Variants in SVOP observed in about 807,000 individuals in gnomAD.
SVOP encodes synaptic vesicle 2-related protein.
Under a neutral mutation model 69.1 loss-of-function variants are expected in SVOP, and 17 were observed. The observed-to-expected ratio is 0.25, with a 90% confidence interval of 0.17 to 0.37. SVOP has a LOEUF of 0.37. SVOP is among the 10% of genes least tolerant of loss of function. SVOP has a pLI of 1.00. For missense variants in SVOP, 435 were observed against 597.5 expected (o/e 0.73, Z 2.84); for synonymous variants, 238 against 238.6 (o/e 1.00, Z 0.02).
chr12:108,912,770 AG>A, intron 15 of SVOP, 29 bp from the exon 16 acceptor site: 2 of 1,604,100 alleles, frequency 1.2e-6, no homozygotes, highest in Non-Finnish European at 1.7e-6. Context: ...GGTCGGTGAA[AG>A]CATCCCTTCT....
At chr12:108,916,236 C>A (rs2039712974) in intron 14 of SVOP, among the ~76,000 whole-genome samples, 1 of 152,196 alleles carries the variant, frequency 6.6e-6, no homozygotes, top group South Asian at 2.1e-4. Flanking sequence ...CAAGGGACTT[C>A]ATAAAGAGAG....
intron 6 of SVOP, among the ~76,000 whole-genome samples, chr12:108,953,999 C>T (rs955685549): frequency 1.3e-5 from 2 of 150,880 alleles, no homozygotes; most frequent in Non-Finnish European, 1.5e-5. Context: ...ATAATCCCAG[C>T]TACTCGGGAA....
At position 108,972,480 on chromosome 12, in the gene SVOP, T is replaced by TG. The variant is rs2040085132; in HGVS notation, c.382-5dup. 2.0e-6 allele frequency: 3 copies of TG among 1,537,116 alleles called. No homozygotes were observed. The highest frequency in any genetic ancestry group is 2.6e-6 in the Non-Finnish European group (3 of 1,146,864). On this transcript the variant is annotated splice_polypyrimidine_tract_variant and splice_region_variant and intron_variant, in intron 4 of 15. Coordinates refer to ENST00000610966, the MANE Select transcript of SVOP (RefSeq NM_018711.5). ...ACATCATGCCTACAAAGACCACCTG[T>TG]GGGGGGAAAGACAGTTGTCATTAGA...
At chr12:108,912,834 C>A in intron 15 of SVOP, 93 bp from the exon 16 acceptor site, 2 of 1,263,314 alleles carry the variant, frequency 1.6e-6, no homozygotes, top group South Asian at 2.8e-5. Flanking sequence ...CAGGCCCTCT[C>A]GTGATATCTG....
rs1339586911 is a variant in SVOP at position 108,908,510 on chromosome 12, C to T, written c.*4025G>A. 6.6e-6 allele frequency: 1 copy of T among 152,174 alleles called. No individual in the cohort carries two copies. 9.4% of individuals were successfully genotyped at this position (152,174 alleles called of 1,614,324 possible). A position where few individuals can be genotyped will look rare whatever the true frequency, so the allele number is the denominator to read the frequency against. On this transcript the variant is annotated 3_prime_UTR_variant, in exon 16 of 16. Transcript: ENST00000610966. ...TCACACTGGACCCATGGTGGAACAACATCAGCTGGAAGGGAGTTGCAGCCC... is the reference window on the plus strand; with the variant it reads ...TCACACTGGACCCATGGTGGAACAATATCAGCTGGAAGGGAGTTGCAGCCC...
chr12:108,988,680 T>G (rs1051659323), intron 1 of SVOP, among the ~76,000 whole-genome samples: 1 of 152,170 alleles, frequency 6.6e-6, no homozygotes, highest in African/African-American at 2.4e-5. Flanking sequence ...TTTTCAAGAT[T>G]GTTTTAGTTA....
intron 2 of SVOP, among the ~76,000 whole-genome samples, chr12:108,982,833 T>TCATCAC (rs2040146944): frequency 3.2e-5 from 2 of 62,014 alleles, no homozygotes; most frequent in African/African-American, 8.3e-5. Flanking sequence ...ATCATCACTG[T>TCATCAC]CACCATCATC....
rs751699856 is a variant in SVOP at position 108,912,588 on chromosome 12, G to T, written c.1594C>A (p.Arg532=). The change falls in exon 16 of 16, where the codon CGA becomes AGA. Residue 532 remains arginine, a synonymous_variant. Coordinates refer to ENST00000610966, the MANE Select transcript of SVOP (RefSeq NM_018711.5). The stretch of plus-strand genomic sequence containing the variant: ...GTAACACCTGCACCGTGCATTCCTC[G>T]GCCGACCATCTCCTGGCCCCACTCC... ...HREWGQEMVG[R]GMHGAGVTRS... The T allele has an allele frequency of 3.1e-6, 5 of 1,613,664 alleles. No individual in the cohort carries two copies. The Admixed American group carries it at 6.7e-5, about 22-fold the overall frequency.
chr12:108,973,935 C>A (rs2040093106), intron 4 of SVOP, among the ~76,000 whole-genome samples: 1 of 152,190 alleles, frequency 6.6e-6, no homozygotes, highest in Admixed American at 6.5e-5. Context: ...ATCTGGTTTC[C>A]AATACCTTTA....
chr12:108,978,759 T>C (rs2040120192), intron 2 of SVOP, 96 bp from the exon 3 acceptor site: 1 of 651,380 alleles, frequency 1.5e-6, no homozygotes, highest in Non-Finnish European at 2.8e-6. Context: ...CCAAGCTAAT[T>C]AAACACAGCA....
chr12:108,977,549 A>C, intron 3 of SVOP, 53 bp from the exon 4 acceptor site: 1 of 1,239,124 alleles, frequency 8.1e-7, no homozygotes, highest in Middle Eastern at 1.9e-4. Context: ...GGTGCTGGGG[A>C]AGGCTGGCCA....
intron 11 of SVOP, among the ~76,000 whole-genome samples, chr12:108,930,814 C>T (rs1367226361): frequency 2.6e-5 from 4 of 152,278 alleles, no homozygotes; most frequent in Non-Finnish European, 2.9e-5. Flanking sequence ...AGTTAGGTTA[C>T]AGTTCATACA....
rs1253426396 is a variant in SVOP, at chr12:108,983,737, G to A, written c.60C>T (p.Gly20=). 4 of 398,678 alleles carry A rather than the reference G, an allele frequency of 1.0e-5. No homozygotes were observed. The highest frequency in any genetic ancestry group is 3.6e-5 in the East Asian group (1 of 28,094). 24.7% of individuals were successfully genotyped at this position (398,678 alleles called of 1,614,324 possible). ...QLPVVKFRRT[G]ESARSEDDTA... is the part of the protein sequence containing the mutation. ...TGTCGTCCTCTGACCTTGCACTCTC[G>A]CCTGTGCGACGGAATTTCACAACCC... Residue 20 remains glycine, a synonymous_variant, in exon 2 of 16, where the codon GGC becomes GGT. Transcript: ENST00000610966.
intron 6 of SVOP, among the ~76,000 whole-genome samples, chr12:108,957,352 C>T (rs576635177): frequency 5.3e-5 from 8 of 152,168 alleles, no homozygotes; most frequent in Admixed American, 4.6e-4. Flanking sequence ...TTAGTAGAGA[C>T]GGGATTTCAC....
At chr12:108,940,937 TG>T (rs964820401) in intron 7 of SVOP, 28 bp from the exon 8 acceptor site, 3 of 1,534,344 alleles carry the variant, frequency 2.0e-6, no homozygotes, top group Non-Finnish European at 2.6e-6. Flanking sequence ...GGGTCAGTGG[TG>T]GGGGTAGCAT....
intron 1 of SVOP, among the ~76,000 whole-genome samples, chr12:108,990,037 C>G (rs144800664): frequency 6.6e-6 from 1 of 152,252 alleles, no homozygotes; most frequent in Non-Finnish European, 1.5e-5. Context: ...CCCTAGGTCA[C>G]ACAGCTTGAA....
At chr12:108,970,393 TTAA>T (rs2040071940) in intron 5 of SVOP, among the ~76,000 whole-genome samples, 1 of 152,208 alleles carries the variant, frequency 6.6e-6, no homozygotes, top group Non-Finnish European at 1.5e-5. Context: ...TCAATGGTTA[TTAA>T]GGGGATTGGA....
rs147989104 is a variant in SVOP at position 108,967,464 on chromosome 12, A to C, written c.453+4941T>G. On this transcript the variant is annotated intron_variant, in intron 5 of 15. Coordinates refer to ENST00000610966, the MANE Select transcript of SVOP (RefSeq NM_018711.5). ...CAGTGAGCCAAGATCTCACCACTGC[A>C]CTCCAGCCTGGGTGACAAAGCGCGA... Among the ~76,000 whole-genome samples the C allele has an allele frequency of 9.4e-3, 1,426 of 151,748 alleles. 23 individuals carry two copies. The highest frequency in any genetic ancestry group is 0.032 in the African/African-American group (1,339 of 41,316).
intron 4 of SVOP, among the ~76,000 whole-genome samples, chr12:108,975,979 G>A (rs1485897817): frequency 6.6e-6 from 1 of 152,110 alleles, no homozygotes; most frequent in Admixed American, 6.6e-5. Context: ...GGGATTACAG[G>A]TGTCAGCTAC....
Sources: gnomAD v4.1 joint callset for allele counts (sites outside exome capture counted in the v4.1 genomes callset) on GRCh38, gnomAD v4.1.1 for gene constraint, MANE v1.5 for transcripts, NCBI Gene and HGNC (gene_info 2026-07-23, HGNC 2026-07-21) for gene names.